CHODL: variants seen among roughly 807,000 people sequenced by gnomAD.
The protein encoded by CHODL is chondrolectin, also known as transmembrane protein MT75.
Under a neutral mutation model 34.5 loss-of-function variants are expected in CHODL, and 29 were observed. The observed-to-expected ratio is 0.84, with a 90% CI of 0.63 to 1.15. The LOEUF is 1.15. Ranked by LOEUF, CHODL falls within the 50% of genes most tolerant of loss-of-function variation. The pLI, the probability that CHODL is intolerant of heterozygous loss-of-function variation, is 0.00. For synonymous variants in CHODL, 125 were observed against 116.1 expected (o/e 1.08, Z -0.49); for missense variants, 332 against 332.5 (o/e 1.00, Z 0.01).
At chr21:18,234,427 C>T (rs945527661) in intron 2 of CHODL, among the ~76,000 whole-genome samples, 5 of 152,100 alleles carry the variant, frequency 3.3e-5, no homozygotes, top group African/African-American at 1.2e-4. Context: ...ACACCTGTTT[C>T]TCTCTGGTAC....
chr21:18,155,092 G>A (rs1302596080), intron 2 of CHODL, among the ~76,000 whole-genome samples: 1 of 152,092 alleles, frequency 6.6e-6, no homozygotes, highest in Non-Finnish European at 1.5e-5. Flanking sequence ...TTATAATATA[G>A]GGTTAGACAG....
chr21:18,120,184 A>G (rs76202267), intron 2 of CHODL, among the ~76,000 whole-genome samples: 1 of 152,170 alleles, frequency 6.6e-6, no homozygotes, highest in Non-Finnish European at 1.5e-5. Flanking sequence ...TATTAGAAGT[A>G]TAAATTATTG....
At chr21:18,234,305 AGG>A (rs2074009089) in intron 2 of CHODL, among the ~76,000 whole-genome samples, 4 of 152,078 alleles carry the variant, frequency 2.6e-5, no homozygotes, top group Admixed American at 2.6e-4. Context: ...GAAGGTTATC[AGG>A]TGACTTCCTT....
intron 2 of CHODL, among the ~76,000 whole-genome samples, chr21:18,113,479 G>A (rs2065376319): frequency 6.6e-6 from 1 of 152,184 alleles, no homozygotes; most frequent in Non-Finnish European, 1.5e-5. Context: ...AGCTGTACAG[G>A]AAGCATGGCT....
At chr21:18,143,331 A>G (rs1033724274) in intron 2 of CHODL, among the ~76,000 whole-genome samples, 3 of 152,164 alleles carry the variant, frequency 2.0e-5, no homozygotes, top group Non-Finnish European at 2.9e-5. Flanking sequence ...TTTAAATCCA[A>G]TATTTCTCCA....
At chr21:18,138,705 G>A (rs903243434) in intron 2 of CHODL, among the ~76,000 whole-genome samples, 2 of 152,180 alleles carry the variant, frequency 1.3e-5, no homozygotes, top group Non-Finnish European at 2.9e-5. Flanking sequence ...ACTGCAGCCA[G>A]CGACTTATTA....
intron 2 of CHODL, among the ~76,000 whole-genome samples, chr21:18,194,350 T>A (rs1000633934): frequency 6.6e-6 from 1 of 152,168 alleles, no homozygotes; most frequent in Non-Finnish European, 1.5e-5. Context: ...TCCTGTTTGA[T>A]TCCCCTGACT....
At chr21:18,170,828 T>C (rs776879487) in intron 2 of CHODL, among the ~76,000 whole-genome samples, 172 of 152,298 alleles carry the variant, frequency 1.1e-3, no homozygotes, top group Non-Finnish European at 1.7e-3. Context: ...TACATTTATA[T>C]TGTCTTTAAC....
intron 1 of CHODL, among the ~76,000 whole-genome samples, chr21:18,008,746 T>C (rs1281079973): frequency 6.6e-6 from 1 of 152,252 alleles, no homozygotes; most frequent in Admixed American, 6.5e-5. Flanking sequence ...TTCCCTTGTG[T>C]AAATTGTTCC....
At chr21:18,098,846 T>C (rs1409865297) in intron 2 of CHODL, among the ~76,000 whole-genome samples, 1 of 152,048 alleles carries the variant, frequency 6.6e-6, no homozygotes, top group African/African-American at 2.4e-5. Flanking sequence ...AAGAGATGAA[T>C]GGAAAAGGAA....
chr21:18,211,147 C>CACA (rs143526252), intron 2 of CHODL, among the ~76,000 whole-genome samples: 3 of 150,678 alleles, frequency 2.0e-5, no homozygotes, highest in Non-Finnish European at 4.4e-5. Context: ...TGGATACACA[C>CACA]ACACACACAC....
intron 2 of CHODL, among the ~76,000 whole-genome samples, chr21:18,172,249 C>G (rs2073241184): frequency 6.6e-6 from 1 of 152,000 alleles, no homozygotes; most frequent in Non-Finnish European, 1.5e-5. Context: ...TTTTACTTTT[C>G]TGACAAACCT....
chr21:18,142,010 T>A (rs892462122), intron 2 of CHODL, among the ~76,000 whole-genome samples: 13 of 152,264 alleles, frequency 8.5e-5, no homozygotes, highest in African/African-American at 3.1e-4. Flanking sequence ...ATGAGTGTTA[T>A]AAGGAGGTGC....
chr21:18,103,034 A>G (rs973044997), intron 2 of CHODL, among the ~76,000 whole-genome samples: 1 of 152,342 alleles, frequency 6.6e-6, no homozygotes, highest in African/African-American at 2.4e-5. Context: ...ATGACTAAGT[A>G]GAGAATAGAT....
At chr21:18,173,114 C>A (rs1350217839) in intron 2 of CHODL, among the ~76,000 whole-genome samples, 3 of 152,168 alleles carry the variant, frequency 2.0e-5, no homozygotes, top group Non-Finnish European at 4.4e-5. Flanking sequence ...GACCTCTATA[C>A]CCTTTGTTAA....
chr21:18,195,106 G>A (rs1464193178), intron 2 of CHODL, among the ~76,000 whole-genome samples: 3 of 151,406 alleles, frequency 2.0e-5, no homozygotes, highest in Non-Finnish European at 2.9e-5. Context: ...CCAGGCTGGA[G>A]TGCAGTGGTG....
intron 1 of CHODL, among the ~76,000 whole-genome samples, chr21:17,939,281 A>T (rs1356073503): frequency 6.6e-6 from 1 of 152,136 alleles, no homozygotes; most frequent in Non-Finnish European, 1.5e-5. Context: ...CTCTCTGATG[A>T]TATGGATTTG....
In CHODL at chr21:18,117,992, G is replaced by A. The variant is rs114367177; in HGVS notation, c.-45+90021G>A. ...AATCATAAACCATTTTTGTTATGGT[G>A]GTGTATACATAAAAGACAACAGGGA... On this transcript the variant is annotated intron_variant, in intron 2 of 6. Transcript: ENST00000400127. 3.1e-3 allele frequency among the ~76,000 whole-genome samples: 470 copies of A among 152,216 alleles called. 2 individuals are homozygous for A. Among genetic ancestry groups the A allele is most frequent in the African/African-American group, 0.011 (452 of 41,530 alleles).
intron 2 of CHODL, among the ~76,000 whole-genome samples, chr21:18,197,045 G>A (rs1431442546): frequency 6.6e-6 from 1 of 152,076 alleles, no homozygotes; most frequent in Non-Finnish European, 1.5e-5. Context: ...ATGTTAGGTA[G>A]CTTGATCATA....
Sources: allele counts gnomAD v4.1 joint callset (sites outside exome capture counted in the v4.1 genomes callset), GRCh38; gene constraint gnomAD v4.1.1; transcripts MANE v1.5; gene names NCBI Gene and HGNC (gene_info 2026-07-23, HGNC 2026-07-21).